Variants in GALNT13 observed in about 807,000 individuals in gnomAD.
The protein encoded by GALNT13 is polypeptide N-acetylgalactosaminyltransferase 13, also known as UDP-GalNAc:polypeptide N-acetylgalactosaminyltransferase 13.
A neutral mutation model predicts 64.2 loss-of-function variants in GALNT13; 28 were observed. The ratio of observed to expected loss-of-function variants is 0.44; its 90% confidence interval spans 0.32 to 0.60. The LOEUF (loss-of-function observed/expected upper bound fraction) is 0.60, where lower values mean the gene tolerates loss of function less well. Among genes scored for constraint, GALNT13 ranks in the 20% least tolerant of loss-of-function variants. GALNT13 has a pLI of 0.05. For missense variants in GALNT13, 577 were observed against 669.8 expected (o/e 0.86, Z 1.53); for synonymous variants, 214 against 224.6 (o/e 0.95, Z 0.42).
the GALNT13 span, among the ~76,000 whole-genome samples, chr2:153,461,223 TAG>T: frequency 6.6e-6 from 1 of 152,134 alleles, no homozygotes; most frequent in African/African-American, 2.4e-5. Flanking sequence ...AGTCAGTTTT[TAG>T]AGTTTTGAAT....
chr2:153,921,820 G>A (rs905137018), intron 2 of GALNT13, among the ~76,000 whole-genome samples: 1 of 152,018 alleles, frequency 6.6e-6, no homozygotes, highest in Non-Finnish European at 1.5e-5. Context: ...AATATATCCT[G>A]CAGAGCCAAT....
chr2:154,019,780 C>T (rs1294174669), intron 3 of GALNT13, among the ~76,000 whole-genome samples: 1 of 151,786 alleles, frequency 6.6e-6, no homozygotes, highest in East Asian at 1.9e-4. Context: ...ATACATGTGC[C>T]ATGTTGGTGT....
At chr2:153,677,353 G>A in the GALNT13 span, among the ~76,000 whole-genome samples, 1 of 149,074 alleles carries the variant, frequency 6.7e-6, no homozygotes, top group African/African-American at 2.5e-5. Flanking sequence ...TAACCAAGGA[G>A]GCGAAAGATA....
the GALNT13 span, among the ~76,000 whole-genome samples, chr2:153,443,890 TC>T: frequency 6.6e-6 from 1 of 151,972 alleles, no homozygotes; most frequent in African/African-American, 2.4e-5. Flanking sequence ...GCCATTGCAC[TC>T]CAGCCTGGGT....
At chr2:153,657,163 G>A in the GALNT13 span, among the ~76,000 whole-genome samples, 6 of 152,062 alleles carry the variant, frequency 3.9e-5, no homozygotes, top group African/African-American at 1.4e-4. Flanking sequence ...GTTCTGTCTG[G>A]CTCAAACAAA....
chr2:154,183,452 C>T (rs1169309348), intron 4 of GALNT13, among the ~76,000 whole-genome samples: 1 of 152,092 alleles, frequency 6.6e-6, no homozygotes, highest in Admixed American at 6.6e-5. Context: ...TGGCTCACGC[C>T]TGTAATCCCA....
the GALNT13 span, among the ~76,000 whole-genome samples, chr2:153,553,672 A>G: frequency 2.8e-3 from 430 of 152,290 alleles, 7 homozygotes; most frequent in Non-Finnish European, 2.9e-4. Context: ...TAGAGAGTAG[A>G]AAGTGAAAAG....
At chr2:153,686,659 C>T in the GALNT13 span, among the ~76,000 whole-genome samples, 1 of 151,932 alleles carries the variant, frequency 6.6e-6, no homozygotes, top group East Asian at 1.9e-4. Flanking sequence ...TTGCCCCGGC[C>T]AGGACATACA....
At chr2:154,370,561 C>T (rs1697625839) in intron 9 of GALNT13, among the ~76,000 whole-genome samples, 2 of 152,026 alleles carry the variant, frequency 1.3e-5, no homozygotes, top group South Asian at 4.1e-4. Flanking sequence ...ACAAAGTCTT[C>T]TAAGTTTCTT....
At chr2:153,607,003 A>C in the GALNT13 span, among the ~76,000 whole-genome samples, 8 of 151,870 alleles carry the variant, frequency 5.3e-5, no homozygotes, top group Admixed American at 1.3e-4. Context: ...TTCTTTGGGA[A>C]AATGTTCTTT....
chr2:154,002,750 C>T (rs368809239), intron 3 of GALNT13, among the ~76,000 whole-genome samples: 1 of 152,144 alleles, frequency 6.6e-6, no homozygotes, highest in African/African-American at 2.4e-5. Flanking sequence ...GAAATAGCCA[C>T]CTCTTCCATC....
At chr2:153,215,956 A>G in the GALNT13 span, among the ~76,000 whole-genome samples, 3 of 151,950 alleles carry the variant, frequency 2.0e-5, no homozygotes, top group Non-Finnish European at 4.4e-5. Context: ...TCAACTCCCC[A>G]TATTTTTCAG....
At chr2:153,640,758 G>C in the GALNT13 span, among the ~76,000 whole-genome samples, 1 of 152,132 alleles carries the variant, frequency 6.6e-6, no homozygotes, top group African/African-American at 2.4e-5. Context: ...CTCCAGCCTA[G>C]GTGAAAGAGT....
chr2:153,888,556 C>G (rs1687343112), intron 1 of GALNT13, among the ~76,000 whole-genome samples: 1 of 151,916 alleles, frequency 6.6e-6, no homozygotes, highest in South Asian at 2.1e-4. Flanking sequence ...ATTTGCATTT[C>G]CTTAGTGCTC....
chr2:153,428,284 A>G, the GALNT13 span, among the ~76,000 whole-genome samples: 1 of 152,124 alleles, frequency 6.6e-6, no homozygotes, highest in Non-Finnish European at 1.5e-5. Flanking sequence ...GGTGAGGCCT[A>G]GGAAGGTTTT....
the GALNT13 span, among the ~76,000 whole-genome samples, chr2:153,367,512 ATAC>A: frequency 1.3e-5 from 2 of 152,094 alleles, no homozygotes; most frequent in South Asian, 4.1e-4. Context: ...ATTACCCTGG[ATAC>A]TTGTATGAAG....
chr2:153,723,751 T>G, the GALNT13 span, among the ~76,000 whole-genome samples: 1 of 151,584 alleles, frequency 6.6e-6, no homozygotes, highest in African/African-American at 2.4e-5. Context: ...TTACAAGGGA[T>G]GTGAAGGACC....
the GALNT13 span, among the ~76,000 whole-genome samples, chr2:153,379,653 A>T: frequency 3.9e-5 from 6 of 152,170 alleles, no homozygotes; most frequent in African/African-American, 1.4e-4. Flanking sequence ...CCAACTTTGT[A>T]TTATTTAACT....
At chr2:153,963,199 C>A (rs530209492) in intron 3 of GALNT13, among the ~76,000 whole-genome samples, 4 of 152,276 alleles carry the variant, frequency 2.6e-5, no homozygotes, top group Non-Finnish European at 5.9e-5. Context: ...GGCATTAATT[C>A]TATTAATTAG....
Sources: gnomAD v4.1 joint callset for allele counts (sites outside exome capture counted in the v4.1 genomes callset) on GRCh38, gnomAD v4.1.1 for gene constraint, MANE v1.5 for transcripts, NCBI Gene and HGNC (gene_info 2026-07-23, HGNC 2026-07-21) for gene names.